The following HRH1 variants were observed in gnomAD, a reference collection of about 807,000 sequenced individuals.
HRH1 encodes histamine H1 receptor.
A neutral mutation model predicts 10.3 loss-of-function variants in HRH1; 6 were observed. That is an observed-to-expected ratio of 0.58 (90% CI 0.32 to 1.15). The LOEUF is 1.15. Ranked by LOEUF, HRH1 falls within the 50% of genes most tolerant of loss-of-function variation. HRH1 has a pLI of 0.05. For missense variants in HRH1, 514 were observed against 615.3 expected (o/e 0.84, Z 1.74); for synonymous variants, 242 against 236.7 (o/e 1.02, Z -0.21).
At chr3:11,199,658 C>T (rs1937824014) in intron 1 of HRH1, among the ~76,000 whole-genome samples, 1 of 152,192 alleles carries the variant, frequency 6.6e-6, no homozygotes, top group Non-Finnish European at 1.5e-5. Flanking sequence ...CCCTCCTAGT[C>T]CTCCCAGCAC....
intron 1 of HRH1, among the ~76,000 whole-genome samples, chr3:11,155,681 C>T (rs1041606429): frequency 6.6e-6 from 1 of 152,086 alleles, no homozygotes; most frequent in Non-Finnish European, 1.5e-5. Flanking sequence ...CTGGAAGGTG[C>T]CTGAATAACT....
intron 1 of HRH1, among the ~76,000 whole-genome samples, chr3:11,244,339 A>T (rs894355451): frequency 6.6e-6 from 1 of 152,250 alleles, no homozygotes; most frequent in Non-Finnish European, 1.5e-5. Flanking sequence ...GCTACAAAGG[A>T]GTCTGGGAAA....
Position 11,144,464 on chromosome 3 carries a change from TACATATA to T in HRH1, c.-36+7066_-36+7072del, listed in dbSNP as rs1559249783. ...ATAGACATACGTCTATAGGTATATA[TACATATA>T]GACATATATATACACACACACACAC... On this transcript the variant is annotated intron_variant, in intron 1 of 1. Transcript: ENST00000438284. Among the ~76,000 whole-genome samples, 3 of 149,380 alleles carry T rather than the reference TACATATA, an allele frequency of 2.0e-5. No homozygotes were observed. In the East Asian group the frequency reaches 5.9e-4, roughly 29 times the overall value.
intron 1 of HRH1, among the ~76,000 whole-genome samples, chr3:11,251,965 C>T (rs182276736): frequency 2.7e-4 from 41 of 152,326 alleles, no homozygotes; most frequent in South Asian, 6.2e-4. Flanking sequence ...GAGTGGCCTC[C>T]GTGCTTTTGG....
intron 1 of HRH1, among the ~76,000 whole-genome samples, chr3:11,173,040 C>T (rs1937184181): frequency 6.6e-6 from 1 of 152,114 alleles, no homozygotes; most frequent in Admixed American, 6.5e-5. Context: ...GCAGTGTTTC[C>T]CAAAGTCCCT....
chr3:11,181,700 T>C (rs1937357511), intron 1 of HRH1, among the ~76,000 whole-genome samples: 1 of 150,870 alleles, frequency 6.6e-6, no homozygotes, highest in Non-Finnish European at 1.5e-5. Context: ...GGCGCGATCT[T>C]AGCTCACTGC....
At chr3:11,247,606 C>A (rs1939523520) in intron 1 of HRH1, among the ~76,000 whole-genome samples, 1 of 152,042 alleles carries the variant, frequency 6.6e-6, no homozygotes, top group Non-Finnish European at 1.5e-5. Flanking sequence ...AGGTTGTTTA[C>A]CGAACAGGTA....
intron 1 of HRH1, among the ~76,000 whole-genome samples, chr3:11,157,537 A>G (rs1277470523): frequency 6.6e-6 from 1 of 152,080 alleles, no homozygotes; most frequent in Non-Finnish European, 1.5e-5. Context: ...TTTATAAGTG[A>G]CTCACTTCTG....
chr3:11,145,455 C>CA (rs746218457), intron 1 of HRH1, among the ~76,000 whole-genome samples: 6 of 152,186 alleles, frequency 3.9e-5, no homozygotes, highest in Non-Finnish European at 7.3e-5. Context: ...GTCCCTACTG[C>CA]ACCCCACACA....
chr3:11,138,312 G>A (rs543950429), intron 1 of HRH1, among the ~76,000 whole-genome samples: 6 of 151,364 alleles, frequency 4.0e-5, no homozygotes, highest in African/African-American at 9.7e-5. Flanking sequence ...GTGAGCCACC[G>A]CGCCCAGCCT....
rs1213013596 is a variant in HRH1, at chr3:11,211,292, TG to T, written c.-35-47710del. Among the ~76,000 whole-genome samples, 10 of 152,148 alleles carry T rather than the reference TG, an allele frequency of 6.6e-5. No individual in the cohort carries two copies. The East Asian group carries it at 1.9e-3, about 30-fold the overall frequency. ...AATGTTGGTGCCCAAAGCCAGCAAC[TG>T]ACAGGGCCCTCAGACCAGCTTTGTA... On this transcript the variant is annotated intron_variant, in intron 1 of 1. Coordinates refer to ENST00000431010, the MANE Select transcript of HRH1 (RefSeq NM_001098212.2).
chr3:11,162,008 G>A (rs764604651), intron 1 of HRH1, among the ~76,000 whole-genome samples: 28 of 152,198 alleles, frequency 1.8e-4, no homozygotes, highest in Non-Finnish European at 3.4e-4. Flanking sequence ...AGTGACAGTG[G>A]AGCGTGTGGG....
At chr3:11,217,188 A>C (rs1938536107) in intron 1 of HRH1, among the ~76,000 whole-genome samples, 2 of 151,000 alleles carry the variant, frequency 1.3e-5, no homozygotes, top group African/African-American at 4.9e-5. Flanking sequence ...TCCGTCTCCA[A>C]AAACAAACAC....
At chr3:11,148,967 C>T (rs1022226735) in intron 1 of HRH1, among the ~76,000 whole-genome samples, 7 of 152,086 alleles carry the variant, frequency 4.6e-5, no homozygotes, top group Admixed American at 6.5e-5. Flanking sequence ...GATGCTTGTC[C>T]TCTTCATCCT....
chr3:11,166,545 A>G (rs1047756262), intron 1 of HRH1, among the ~76,000 whole-genome samples: 1 of 151,776 alleles, frequency 6.6e-6, no homozygotes, highest in Admixed American at 6.6e-5. Context: ...TGCATTCTCC[A>G]GGCCCTGACA....
chr3:11,173,079 T>C (rs975354919), intron 1 of HRH1, among the ~76,000 whole-genome samples: 4 of 152,188 alleles, frequency 2.6e-5, no homozygotes, highest in African/African-American at 7.2e-5. Flanking sequence ...AGAGGTTCCC[T>C]GGCTGAATAA....
intron 1 of HRH1, among the ~76,000 whole-genome samples, chr3:11,177,656 T>A (rs994936300): frequency 6.6e-6 from 1 of 152,102 alleles, no homozygotes; most frequent in African/African-American, 2.4e-5. Context: ...TTTGTCCAAT[T>A]TATCTTAAGG....
rs1195163331 is a variant in HRH1 at position 11,164,399 on chromosome 3, A to T, written c.-36+9845A>T. Among the ~76,000 whole-genome samples, 15 of 152,320 alleles carry T rather than the reference A, an allele frequency of 9.8e-5. 1 individual carries two copies. The East Asian group carries it at 2.9e-3, about 29-fold the overall frequency. On this transcript the variant is annotated intron_variant, in intron 1 of 1. Transcript: ENST00000431010. The stretch of plus-strand genomic sequence containing the variant: ...TCTTTCATTTAAATCCTTATCCCCC[A>T]GGCTGGTTTAGATGCTTCCATGACA...
chr3:11,207,826 G>A (rs946713432), intron 1 of HRH1, among the ~76,000 whole-genome samples: 1 of 152,134 alleles, frequency 6.6e-6, no homozygotes, highest in Non-Finnish European at 1.5e-5. Flanking sequence ...GCCACTGCAG[G>A]ATCAAGGGAG....
Sources: allele counts gnomAD v4.1 joint callset (sites outside exome capture counted in the v4.1 genomes callset), GRCh38; gene constraint gnomAD v4.1.1; transcripts MANE v1.5; gene names NCBI Gene and HGNC (gene_info 2026-07-23, HGNC 2026-07-21).